CELF2: variants seen among roughly 807,000 people sequenced by gnomAD.
The protein encoded by CELF2 is CUGBP Elav-like family member 2.
CELF2 carries 8 observed loss-of-function variants against 62.6 expected under a neutral mutation model. The observed-to-expected ratio is 0.13, with a 90% CI of 0.07 to 0.23. The LOEUF (loss-of-function observed/expected upper bound fraction) is 0.23, where lower values mean the gene tolerates loss of function less well. Ranked by LOEUF, CELF2 falls within the 10% of genes least tolerant of loss-of-function variation. CELF2 has a pLI of 1.00. For missense variants in CELF2, 333 were observed against 671.0 expected, an observed-to-expected ratio of 0.50 and a Z score of 5.56; for synonymous variants, 258 against 250.0, an observed-to-expected ratio of 1.03 and a Z score of -0.30.
At chr10:10,686,314 G>A in the CELF2 span, among the ~76,000 whole-genome samples, 1 of 65,696 alleles carries the variant, frequency 1.5e-5, no homozygotes, top group African/African-American at 6.2e-5. Flanking sequence ...ATTTTTTGGG[G>A]GGGGGGGTGG....
rs2096092696 is a variant in CELF2 at position 11,334,994 on chromosome 10, GAAAA to G, written c.*5942_*5945del. 1.3e-5 allele frequency: 2 copies of G among 152,214 alleles called. No homozygotes were observed. The highest frequency in any genetic ancestry group is 4.1e-4 in the South Asian group (2 of 4,834). The allele number at this position is 152,214 out of a possible 1,614,324, so 9.4% of individuals were successfully genotyped here. The stretch of plus-strand genomic sequence containing the variant: ...TTTAATTATTAACACTAACGGAAGA[GAAAA>G]GAAGTATTTCCAAGGGCTCAAATGG... On this transcript the variant is annotated 3_prime_UTR_variant, in exon 13 of 13. Coordinates refer to ENST00000633077, the MANE Select transcript of CELF2 (RefSeq NM_001326342.2).
intron 1 of CELF2, among the ~76,000 whole-genome samples, chr10:11,149,125 C>T (rs1360526276): frequency 6.6e-6 from 1 of 152,104 alleles, no homozygotes; most frequent in Non-Finnish European, 1.5e-5. Flanking sequence ...GGCTGGAGTG[C>T]AGTGGTGCGA....
At chr10:10,856,919 G>T (rs1429526559) in intron 1 of CELF2, among the ~76,000 whole-genome samples, 12 of 152,062 alleles carry the variant, frequency 7.9e-5, no homozygotes. Flanking sequence ...CTAGAAAATT[G>T]GACAAAATAC....
intron 1 of CELF2, among the ~76,000 whole-genome samples, chr10:11,019,793 TC>T (rs2058016229): frequency 1.3e-5 from 2 of 152,190 alleles, no homozygotes; most frequent in Non-Finnish European, 2.9e-5. Context: ...CTCTGTCCTG[TC>T]CCCCATCTTA....
At chr10:10,862,970 C>A (rs1333809131) in intron 1 of CELF2, among the ~76,000 whole-genome samples, 1 of 152,316 alleles carries the variant, frequency 6.6e-6, no homozygotes, top group East Asian at 1.9e-4. Context: ...CAGACAAGAT[C>A]TGCAGAGCCA....
At chr10:10,819,145 G>A (rs1355633777) in intron 1 of CELF2, among the ~76,000 whole-genome samples, 3 of 152,156 alleles carry the variant, frequency 2.0e-5, no homozygotes, top group Non-Finnish European at 4.4e-5. Flanking sequence ...AATGATAGCT[G>A]TTCAGTATAC....
chr10:11,136,444 A>G (rs2060451260), intron 1 of CELF2, among the ~76,000 whole-genome samples: 1 of 152,164 alleles, frequency 6.6e-6, no homozygotes, highest in South Asian at 2.1e-4. Flanking sequence ...TTTACTAAAA[A>G]TAAGAAAAAA....
chr10:10,757,935 T>A, the CELF2 span, among the ~76,000 whole-genome samples: 85,361 of 152,064 alleles, frequency 0.56, 24,671 homozygotes, highest in African/African-American at 0.7. Context: ...GGAACCACAC[T>A]GTTTGAGCCC....
the CELF2 span, among the ~76,000 whole-genome samples, chr10:10,648,197 T>A: frequency 1.3e-5 from 2 of 152,200 alleles, 1 homozygote; most frequent in Admixed American, 1.3e-4. Flanking sequence ...GTCATTTACC[T>A]GAAGCCCAGG....
In CELF2 at chr10:10,803,800, G is replaced by C. The variant is rs549503064; in HGVS notation, c.53+4983G>C. On this transcript the variant is annotated intron_variant, in intron 1 of 13. Transcript: ENST00000636488. ...ACTGTTACATACCCAATATCTAAAA[G>C]ATTTCCTAGCACACGACAATGAATG... Among the ~76,000 whole-genome samples, 13 of 152,282 alleles carry C rather than the reference G, an allele frequency of 8.5e-5. No homozygotes were observed. In the East Asian group the frequency reaches 2.3e-3, roughly 27 times the overall value.
At chr10:10,728,685 T>C in the CELF2 span, among the ~76,000 whole-genome samples, 1 of 152,184 alleles carries the variant, frequency 6.6e-6, no homozygotes, top group South Asian at 2.1e-4. Flanking sequence ...TTTTATTGAA[T>C]GTGTGCTCTG....
chr10:10,638,504 G>C, the CELF2 span, among the ~76,000 whole-genome samples: 2 of 152,308 alleles, frequency 1.3e-5, no homozygotes, highest in African/African-American at 4.8e-5. Flanking sequence ...GAGTAAATGA[G>C]TTGCACATTC....
intron 1 of CELF2, among the ~76,000 whole-genome samples, chr10:11,120,954 G>A (rs186778043): frequency 2.0e-4 from 31 of 152,304 alleles, no homozygotes; most frequent in African/African-American, 2.9e-4. Flanking sequence ...TTTTAAGCGC[G>A]TCCATTTGCA....
chr10:11,135,943 C>G (rs1276553934), intron 1 of CELF2, among the ~76,000 whole-genome samples: 3 of 152,170 alleles, frequency 2.0e-5, no homozygotes, highest in African/African-American at 7.2e-5. Flanking sequence ...GGCAGTTGGA[C>G]CACACTCATG....
chr10:10,794,674 T>A (rs2054036541), upstream of CELF2: 1 of 152,136 alleles, frequency 6.6e-6, no homozygotes, highest in Non-Finnish European at 1.5e-5. Context: ...TCCGGAGCCT[T>A]ATTAAATGGT....
intron 1 of CELF2, among the ~76,000 whole-genome samples, chr10:10,818,737 T>C: frequency 6.6e-6 from 1 of 151,998 alleles, no homozygotes; most frequent in Admixed American, 6.6e-5. Context: ...CCATCATGCC[T>C]GGCCAATTTT....
chr10:11,308,939 T>C (rs923570905), intron 9 of CELF2, among the ~76,000 whole-genome samples: 2 of 152,260 alleles, frequency 1.3e-5, no homozygotes, highest in Non-Finnish European at 2.9e-5. Context: ...AGATTTACTT[T>C]GTAAAATGCA....
chr10:10,738,723 G>T, the CELF2 span, among the ~76,000 whole-genome samples: 1 of 152,128 alleles, frequency 6.6e-6, no homozygotes, highest in Non-Finnish European at 1.5e-5. Flanking sequence ...AATCTTCAAG[G>T]TCATCAAACA....
At chr10:11,123,072 C>G (rs1418961348) in intron 1 of CELF2, among the ~76,000 whole-genome samples, 2 of 150,728 alleles carry the variant, frequency 1.3e-5, no homozygotes, top group African/African-American at 4.9e-5. Flanking sequence ...CCATAGTTTT[C>G]CAGTTCCTCC....
Sources: gnomAD v4.1 joint callset for allele counts (sites outside exome capture counted in the v4.1 genomes callset) on GRCh38, gnomAD v4.1.1 for gene constraint, MANE v1.5 for transcripts, NCBI Gene and HGNC (gene_info 2026-07-23, HGNC 2026-07-21) for gene names.